The following KIF4A variants were observed in gnomAD, a reference collection of about 807,000 sequenced individuals.
KIF4A encodes the protein kinesin family member 4A.
Under a neutral mutation model 105.9 loss-of-function variants are expected in KIF4A, and 7 were observed. The observed-to-expected ratio is 0.07, with a 90% confidence interval of 0.04 to 0.12. The LOEUF is 0.12. Ranked by LOEUF, KIF4A falls within the 10% of genes least tolerant of loss-of-function variation. The probability of loss-of-function intolerance (pLI) is 1.00; values close to 1 mark genes in which losing one functional copy is unlikely to be tolerated. For synonymous variants in KIF4A, 281 were observed against 331.3 expected (o/e 0.85, Z 1.65); for missense variants, 558 against 929.2 (o/e 0.60, Z 5.19).
At chrX:70,295,018 GCACACA>G (rs779430147) in intron 3 of KIF4A, among the ~76,000 whole-genome samples, 1 of 112,536 alleles carries the variant, frequency 8.9e-6, no homozygotes, top group Admixed American at 9.3e-5. Context: ...AGCCGTGATA[GCACACA>G]CTGTGCTGCA....
At chrX:70,401,980 T>C (rs5980698) in intron 22 of KIF4A, among the ~76,000 whole-genome samples, 8,931 of 111,315 alleles carry the variant, frequency 0.08, 278 homozygotes, top group Middle Eastern at 0.12. Context: ...ACTGTGTAGA[T>C]TTTGGTCTAG....
At chrX:70,330,082 C>T (rs2085924672) in intron 8 of KIF4A, 75 bp from the exon 9 acceptor site, 6 of 926,679 alleles carry the variant, frequency 6.5e-6, no homozygotes, top group South Asian at 3.1e-5. Flanking sequence ...GTCACCAACC[C>T]GAATGGACGG....
intron 15 of KIF4A, among the ~76,000 whole-genome samples, chrX:70,368,473 G>C: frequency 8.9e-6 from 1 of 112,396 alleles, no homozygotes; most frequent in South Asian, 3.7e-4. Flanking sequence ...TAACAGTCAA[G>C]ACCCTTAGCT....
chrX:70,292,847 A>G (rs141092924), intron 3 of KIF4A, among the ~76,000 whole-genome samples: 583 of 112,015 alleles, frequency 5.2e-3, no homozygotes, highest in Middle Eastern at 0.018. Context: ...GAATTAAATT[A>G]TGTTCTTTAA....
intron 13 of KIF4A, among the ~76,000 whole-genome samples, chrX:70,349,185 C>T (rs1389699522): frequency 2.0e-5 from 2 of 99,024 alleles, no homozygotes; most frequent in African/African-American, 7.5e-5. Flanking sequence ...GCACTCCTCA[C>T]TTCCCAGAGG....
intron 7 of KIF4A, among the ~76,000 whole-genome samples, chrX:70,312,200 A>G (rs2085853363): frequency 2.1e-5 from 2 of 95,107 alleles, no homozygotes; most frequent in South Asian, 1.0e-3. Flanking sequence ...GCTGGAGTGC[A>G]GTGGCATGAT....
At chrX:70,347,751 G>A (rs938225240) in intron 13 of KIF4A, among the ~76,000 whole-genome samples, 10 of 104,784 alleles carry the variant, frequency 9.5e-5, no homozygotes, top group African/African-American at 2.8e-4. Flanking sequence ...CGAGGCGGGC[G>A]GATCACGAGG....
chrX:70,352,858 T>A (rs956093398), intron 14 of KIF4A, among the ~76,000 whole-genome samples: 40 of 111,852 alleles, frequency 3.6e-4, no homozygotes, highest in Non-Finnish European at 1.3e-4. Context: ...TAACTGGTAA[T>A]GGGGGGCAGG....
chrX:70,316,949 A>G (rs369800378), intron 7 of KIF4A, among the ~76,000 whole-genome samples: 1 of 112,690 alleles, frequency 8.9e-6, no homozygotes, highest in African/African-American at 3.2e-5. Flanking sequence ...ATTCAGATTT[A>G]ACTGGATGTT....
chrX:70,313,107 A>G (rs1489629561), intron 7 of KIF4A, among the ~76,000 whole-genome samples: 1 of 111,234 alleles, frequency 9.0e-6, no homozygotes, highest in Non-Finnish European at 1.9e-5. Flanking sequence ...TTTACTTAAT[A>G]TGTTATTTTC....
chrX:70,405,897 A>G lies in KIF4A; in HGVS notation c.2968A>G (p.Ile990Val), dbSNP rs750071716. ...NQQLLRENEI[I>V]KQKLTLLQVA... ...GCAGCTTCTCCGAGAGAATGAAATCATCAAGCAGGTAATACAGTTTCCCAC... is the reference window on the plus strand; with the variant it reads ...GCAGCTTCTCCGAGAGAATGAAATCGTCAAGCAGGTAATACAGTTTCCCAC... Residue 990 changes from isoleucine to valine, a missense_variant, in exon 26 of 31, where the codon ATC (isoleucine) becomes GTC (valine). Physicochemically the swap from Ile to Val is conservative, Grantham distance 29. This residue lies in a region of KIF4A where 469 missense variants were observed against 680.4 expected (regional missense o/e 0.69). Transcript: ENST00000374403. The G allele has an allele frequency of 8.3e-7, 1 of 1,203,818 alleles. No homozygotes were observed. The highest frequency in any genetic ancestry group is 2.2e-5 in the Admixed American group (1 of 45,976).
chrX:70,375,459 A>T, intron 17 of KIF4A, 111 bp downstream of exon 17: 1 of 772,287 alleles, frequency 1.3e-6, no homozygotes, highest in East Asian at 3.3e-5. Flanking sequence ...AGGCAGAGCA[A>T]TCATTTCAAG....
At chrX:70,339,655 G>A (rs1236505498) in intron 10 of KIF4A, among the ~76,000 whole-genome samples, 2 of 112,629 alleles carry the variant, frequency 1.8e-5, no homozygotes, top group African/African-American at 6.4e-5. Flanking sequence ...TATAAGGCTT[G>A]TTAACAAAAA....
intron 20 of KIF4A, among the ~76,000 whole-genome samples, chrX:70,394,190 T>C (rs2086250655): frequency 9.9e-6 from 1 of 101,305 alleles, no homozygotes; most frequent in African/African-American, 3.5e-5. Context: ...ATAGGCAGCA[T>C]ATATTTGGGT....
chrX:70,317,583 T>C (rs893263591), intron 7 of KIF4A, among the ~76,000 whole-genome samples: 36 of 102,022 alleles, frequency 3.5e-4, no homozygotes, highest in African/African-American at 1.2e-3. Flanking sequence ...TCTCGCTCTG[T>C]TGCCCAGGCT....
chrX:70,416,087 G>C (rs1252803524), intron 28 of KIF4A, among the ~76,000 whole-genome samples: 1 of 109,372 alleles, frequency 9.1e-6, no homozygotes, highest in East Asian at 2.9e-4. Flanking sequence ...GGCTGGTCTT[G>C]AACTTCTGAC....
chrX:70,367,266 G>T (rs2086108411), intron 15 of KIF4A, among the ~76,000 whole-genome samples: 2 of 111,399 alleles, frequency 1.8e-5, no homozygotes, highest in African/African-American at 3.3e-5. Context: ...GGTTAATATT[G>T]TTATGTGTGA....
rs181146786 is a variant in KIF4A, at chrX:70,397,182, A to C, written c.2489+1133A>C. Reference sequence around the variant, plus strand: ...TCAGGAGATCGAGACCATCCTGGCTAACACAGTGAAACCCCATCTCTACTA... The same window carrying C: ...TCAGGAGATCGAGACCATCCTGGCTCACACAGTGAAACCCCATCTCTACTA... On this transcript the variant is annotated intron_variant, in intron 22 of 30. Transcript: ENST00000374403. 5.9e-3 allele frequency among the ~76,000 whole-genome samples: 651 copies of C among 110,969 alleles called. 1 individual carries two copies. The highest frequency in any genetic ancestry group is 0.02 in the African/African-American group (615 of 30,520).
At chrX:70,352,820 C>T (rs2086036533) in intron 14 of KIF4A, among the ~76,000 whole-genome samples, 164 bp downstream of exon 14, 1 of 111,978 alleles carries the variant, frequency 8.9e-6, no homozygotes, top group Admixed American at 9.5e-5. Flanking sequence ...AAAATCCCTA[C>T]CTTGGATAGG....
Sources: gnomAD v4.1 joint callset for allele counts (sites outside exome capture counted in the v4.1 genomes callset) on GRCh38, gnomAD v4.1.1 for gene constraint, gnomAD v4.1.1 regional missense constraint, MANE v1.5 for transcripts, NCBI Gene and HGNC (gene_info 2026-07-23, HGNC 2026-07-21) for gene names.